Variants in RBM24 observed in about 807,000 individuals in gnomAD.
The protein encoded by RBM24 is RNA-binding protein 24.
RBM24 carries 5 observed loss-of-function variants against 23.6 expected under a neutral mutation model. The ratio of observed to expected loss-of-function variants is 0.21; its 90% CI spans 0.11 to 0.45. The LOEUF (loss-of-function observed/expected upper bound fraction) is 0.45. Among genes scored for constraint, RBM24 ranks in the 20% least tolerant of loss-of-function variants. The pLI, the probability that RBM24 is intolerant of heterozygous loss-of-function variation, is 0.99. For synonymous variants in RBM24, 151 were observed against 129.5 expected, an observed-to-expected ratio of 1.17 and a Z score of -1.13; for missense variants, 252 against 314.6, an observed-to-expected ratio of 0.80 and a Z score of 1.51.
chr6:17,283,716 C>T (rs1760107847), intron 2 of RBM24, among the ~76,000 whole-genome samples: 1 of 152,092 alleles, frequency 6.6e-6, no homozygotes, highest in African/African-American at 2.4e-5. Context: ...CGCGCCTGGC[C>T]CAAAATGGTA....
rs544828465 is a variant in RBM24, at chr6:17,282,038, T to A, written c.168+289T>A. 2.4e-5 allele frequency: 31 copies of A among 1,287,856 alleles called. No homozygotes were observed. In the African/African-American group the frequency reaches 4.6e-4, roughly 19 times the overall value. The allele number at this position is 1,287,856 out of a possible 1,614,324, so 79.8% of individuals were successfully genotyped here. On this transcript the variant is annotated intron_variant, in intron 1 of 3. Transcript: ENST00000379052. ...ACGGCGGGATTTGGGGTGCGGAGGGTTGCGAGGGAGGGGCCGCAACCCTGA... is the reference window on the plus strand; with the variant it reads ...ACGGCGGGATTTGGGGTGCGGAGGGATGCGAGGGAGGGGCCGCAACCCTGA...
Position 17,284,616 on chromosome 6 carries a change from A to G in RBM24, c.293-41A>G, listed in dbSNP as rs748004665. The G allele has an allele frequency of 2.7e-6, 4 of 1,500,012 alleles. No individual in the cohort carries two copies. In the Admixed American group the frequency reaches 7.3e-5, roughly 27 times the overall value. The allele number at this position is 1,500,012 out of a possible 1,614,324, so 92.9% of individuals were successfully genotyped here. On this transcript the variant is annotated intron_variant, in intron 2 of 3. Transcript: ENST00000379052. Reference sequence around the variant, plus strand: ...TTACATGTAGGAATAATAAATGCCTAACCATGCACAAATAAAGAATGTGGT... The same window carrying G: ...TTACATGTAGGAATAATAAATGCCTGACCATGCACAAATAAAGAATGTGGT...
intron 3 of RBM24, chr6:17,289,763 G>C: frequency 9.4e-7 from 1 of 1,061,188 alleles, no homozygotes; most frequent in Non-Finnish European, 1.1e-6. Flanking sequence ...AACCCTTGTC[G>C]CATGACAGGA....
At chr6:17,290,342 G>A (rs1408140982) in intron 3 of RBM24, among the ~76,000 whole-genome samples, 1 of 152,160 alleles carries the variant, frequency 6.6e-6, no homozygotes, top group Non-Finnish European at 1.5e-5. Flanking sequence ...TAAATATAGG[G>A]GGCTTTAATG....
intron 2 of RBM24, among the ~76,000 whole-genome samples, chr6:17,283,464 C>T (rs1470124938): frequency 6.6e-6 from 1 of 152,104 alleles, no homozygotes; most frequent in African/African-American, 2.4e-5. Flanking sequence ...GTTGCCCAGG[C>T]TGGAGTGCAA....
chr6:17,286,487 GTTTAT>G (rs1402405542), intron 3 of RBM24, among the ~76,000 whole-genome samples: 1 of 152,152 alleles, frequency 6.6e-6, no homozygotes, highest in Non-Finnish European at 1.5e-5. Flanking sequence ...AGTTGCATGT[GTTTAT>G]TTTTTCACTG....
chr6:17,281,526 G>C lies in RBM24; in HGVS notation c.-56G>C. On this transcript the variant is annotated 5_prime_UTR_variant, in exon 1 of 4. Coordinates refer to ENST00000379052, the MANE Select transcript of RBM24 (RefSeq NM_001143942.2). This position sits in a 1 kb window ranked among gnomAD's most constrained non-coding sequence, Gnocchi z 7.1. ...ACGCGGAGCCGGAGGAGGAGGCGCA[G>C]CCGCTGCCCGAGCCGCAGCCGCAGC... The C allele has an allele frequency of 7.0e-7, 1 of 1,437,628 alleles. No individual in the cohort carries two copies. The highest frequency in any genetic ancestry group is 1.5e-5 in the South Asian group (1 of 68,908). 89.1% of individuals were successfully genotyped at this position (1,437,628 alleles called of 1,614,324 possible).
intron 2 of RBM24, 60 bp downstream of exon 2, chr6:17,282,988 T>A: frequency 2.5e-6 from 3 of 1,207,122 alleles, no homozygotes; most frequent in Non-Finnish European, 3.7e-6. Context: ...ATGGGTGGGA[T>A]GATTCTCTAA....
At position 17,281,627 on chromosome 6, in the gene RBM24, G is replaced by C; in HGVS notation, c.46G>C (p.Gly16Arg). Residue 16 changes from glycine to arginine, a missense_variant, in exon 1 of 4, where the codon GGG becomes CGG. Transcript: ENST00000379052. This position sits in a 1 kb window ranked among gnomAD's most constrained non-coding sequence, Gnocchi z 7.1. ...CACGACGTACACCAAGATCTTCGTC[G>C]GGGGGCTGCCCTACCACACCACCGA... ...KDTTYTKIFV[G>R]GLPYHTTDAS... is the part of the protein sequence containing the mutation. The C allele has an allele frequency of 6.5e-7, 1 of 1,549,102 alleles. No individual in the cohort carries two copies.
At chr6:17,283,014 C>T in intron 2 of RBM24, 86 bp downstream of exon 2, 1 of 942,276 alleles carries the variant, frequency 1.1e-6, no homozygotes, top group Non-Finnish European at 1.7e-6. Context: ...AAGACATTGT[C>T]TCTTTCTGTA....
At chr6:17,285,584 T>A (rs1278449050) in intron 3 of RBM24, among the ~76,000 whole-genome samples, 6 of 152,242 alleles carry the variant, frequency 3.9e-5, no homozygotes, top group African/African-American at 1.4e-4. Flanking sequence ...TGGGGTTCTT[T>A]CTTTTGCAAT....
chr6:17,281,863 G>A lies in RBM24; in HGVS notation c.168+114G>A. 2 of 1,412,152 alleles carry A rather than the reference G, an allele frequency of 1.4e-6. No individual in the cohort carries two copies. Among genetic ancestry groups the A allele is most frequent in the Non-Finnish European group, 1.9e-6 (2 of 1,036,416 alleles). 87.5% of individuals were successfully genotyped at this position (1,412,152 alleles called of 1,614,324 possible). On this transcript the variant is annotated intron_variant, in intron 1 of 3. Transcript: ENST00000379052. The surrounding 1 kb of genome is among the most constrained non-coding windows in gnomAD (Gnocchi z 7.1). ...ACCCGTGAGGAGCCCCGCGGGTAGA[G>A]CGGCGCTGCCCCTTCGCTCCGGGGT...
intron 3 of RBM24, among the ~76,000 whole-genome samples, chr6:17,286,791 A>C (rs1015516161): frequency 6.6e-6 from 1 of 152,180 alleles, no homozygotes; most frequent in African/African-American, 2.4e-5. Flanking sequence ...AAGCAGAGGC[A>C]TAGAGGAGAA....
intron 1 of RBM24, chr6:17,282,125 T>A: frequency 8.2e-7 from 1 of 1,215,510 alleles, no homozygotes; most frequent in South Asian, 1.5e-5. Flanking sequence ...TAAAAATGCG[T>A]GTGTTCTGGT....
chr6:17,291,766 C>T lies in RBM24; in HGVS notation c.358C>T (p.His120Tyr). 5 of 1,609,192 alleles carry T rather than the reference C, an allele frequency of 3.1e-6. No homozygotes were observed. Among genetic ancestry groups the T allele is most frequent in the Non-Finnish European group, 4.2e-6 (5 of 1,176,544 alleles). Reference protein sequence around the residue: ...LIQRPFGIPAHYVYPQAFVQP... With the variant: ...LIQRPFGIPAYYVYPQAFVQP... ...TCCATTTCTCAACAGGATACCTGCC[C>T]ACTATGTCTATCCGCAGGCTTTTGT... The change falls in exon 4 of 4, where the codon CAC becomes TAC. Residue 120 changes from histidine (H) to tyrosine (Y), a missense_variant. Transcript: ENST00000379052.
At chr6:17,282,049 G>T in intron 1 of RBM24, 1 of 1,274,684 alleles carries the variant, frequency 7.8e-7, no homozygotes. Context: ...TGCGAGGGAG[G>T]GGCCGCAACC....
chr6:17,289,187 C>T, intron 3 of RBM24: 2 of 985,380 alleles, frequency 2.0e-6, no homozygotes, highest in Non-Finnish European at 2.4e-6. Flanking sequence ...GGGAGATTCC[C>T]AGATCACCTT....
In RBM24 at chr6:17,281,769, G is replaced by T; in HGVS notation, c.168+20G>T. Reference sequence around the variant, plus strand: ...GGATTTGTAAGTTGCACGGACTGGGGGTGACGGGGAGGGACGGAGTGGCGG... The same window carrying T: ...GGATTTGTAAGTTGCACGGACTGGGTGTGACGGGGAGGGACGGAGTGGCGG... On this transcript the variant is annotated intron_variant, in intron 1 of 3. Coordinates refer to ENST00000379052, the MANE Select transcript of RBM24 (RefSeq NM_001143942.2). The surrounding 1 kb of genome is among the most constrained non-coding windows in gnomAD (Gnocchi z 7.1). 6.5e-7 allele frequency: 1 copy of T among 1,547,578 alleles called. No individual in the cohort carries two copies. The highest frequency in any genetic ancestry group is 8.7e-7 in the Non-Finnish European group (1 of 1,145,148).
At position 17,293,714 on chromosome 6, in the gene RBM24, A is replaced by G. The variant is rs1760437756; in HGVS notation, c.*1595A>G. ...GTTAGCATTTTTATGGACTTTCTCCATTATCACTGGATTTACTTTAAGTAT... is the reference window on the plus strand; with the variant it reads ...GTTAGCATTTTTATGGACTTTCTCCGTTATCACTGGATTTACTTTAAGTAT... On this transcript the variant is annotated 3_prime_UTR_variant, in exon 4 of 4. Transcript: ENST00000379052. The G allele has an allele frequency of 6.6e-6, 1 of 152,658 alleles. No homozygotes were observed. Among genetic ancestry groups the G allele is most frequent in the South Asian group, 2.1e-4 (1 of 4,838 alleles). 9.5% of individuals were successfully genotyped at this position (152,658 alleles called of 1,614,324 possible). A position where few individuals can be genotyped will look rare whatever the true frequency, so the allele number is the denominator to read the frequency against.
Sources: gnomAD v4.1 joint callset for allele counts (sites outside exome capture counted in the v4.1 genomes callset) on GRCh38, gnomAD v4.1.1 for gene constraint, Gnocchi (gnomAD v3.1) non-coding constraint, MANE v1.5 for transcripts, NCBI Gene and HGNC (gene_info 2026-07-23, HGNC 2026-07-21) for gene names.